Variants in CFAP52 observed in about 807,000 individuals in gnomAD.
The protein encoded by CFAP52 is cilia- and flagella-associated protein 52.
Under a neutral mutation model 70.5 loss-of-function variants are expected in CFAP52, and 57 were observed. That is an observed-to-expected ratio of 0.81 (90% CI 0.65 to 1.01). CFAP52 has a LOEUF of 1.01. Ranked by LOEUF, CFAP52 falls within the 50% of genes least tolerant of loss-of-function variation. The pLI, the probability that CFAP52 is intolerant of heterozygous loss-of-function variation, is 0.00. For missense variants in CFAP52, 785 were observed against 788.5 expected (o/e 1.00, Z 0.05); for synonymous variants, 267 against 292.5 (o/e 0.91, Z 0.89).
chr17:9,608,123 T>C lies in CFAP52; in HGVS notation c.758T>C (p.Val253Ala). The C allele has an allele frequency of 6.2e-7, 1 of 1,611,192 alleles. No homozygotes were observed. The highest frequency in any genetic ancestry group is 8.5e-7 in the Non-Finnish European group (1 of 1,178,312). Residue 253 changes from valine to alanine, a missense_variant, in exon 7 of 14, where the codon GTG (valine) becomes GCG (alanine). Physicochemically the swap from Val to Ala is moderately conservative, Grantham distance 64. Transcript: ENST00000352665. ...GPAKDKFSLG[V>A]SAIRCLKMGG... ...TAACACAGTTTTTCCCCCTAGGGAG[T>C]GTCAGCTATCAGGTGCCTGAAGATG...
In CFAP52 at chr17:9,612,349, C is replaced by T. The variant is rs369634065; in HGVS notation, c.895C>T (p.Arg299Ter). ...AGGCGGCATCACTTCTATCACACTT[C>T]GAGGAGAAGGACACCAGTTTCTCGT... The part of the protein sequence containing the change: ...LQGGITSITL[R>*]GEGHQFLVGT... Residue 299 changes from arginine (R) to a stop codon, truncating the protein, a stop_gained, in exon 8 of 14, where the codon CGA becomes TGA. Coordinates refer to ENST00000352665, the MANE Select transcript of CFAP52 (RefSeq NM_145054.5). LOFTEE classifies it high-confidence loss of function. 4.2e-5 allele frequency: 68 copies of T among 1,614,042 alleles called. No homozygotes were observed. Among genetic ancestry groups the T allele is most frequent in the Non-Finnish European group, 5.2e-5 (61 of 1,180,038 alleles).
chr17:9,629,505 C>T (rs866619571), intron 9 of CFAP52, among the ~76,000 whole-genome samples: 3 of 146,362 alleles, frequency 2.0e-5, no homozygotes, highest in South Asian at 2.2e-4. Context: ...CTTTTCTTTT[C>T]TTTCTTTCTT....
intron 9 of CFAP52, among the ~76,000 whole-genome samples, chr17:9,630,426 A>ATTTTTTTTTTTTTTTTTT (rs560084144): frequency 2.3e-5 from 3 of 127,832 alleles, no homozygotes; most frequent in African/African-American, 8.8e-5. Flanking sequence ...AATTTTTGTA[A>ATTTTTTTTTTTTTTTTTT]TTTTTTTTTT....
At chr17:9,591,877 C>CA (rs1042657704) in intron 3 of CFAP52, among the ~76,000 whole-genome samples, 10 of 148,082 alleles carry the variant, frequency 6.8e-5, no homozygotes, top group South Asian at 2.1e-4. Context: ...GACCTTGTCT[C>CA]AAAAAAAAAA....
chr17:9,613,856 C>T (rs955723712), intron 8 of CFAP52, among the ~76,000 whole-genome samples: 6 of 151,782 alleles, frequency 4.0e-5, no homozygotes, highest in African/African-American at 1.2e-4. Flanking sequence ...CTGTAGTTTC[C>T]GTTCCCTGAA....
At chr17:9,623,438 T>C (rs1396075187) in intron 8 of CFAP52, among the ~76,000 whole-genome samples, 2 of 152,210 alleles carry the variant, frequency 1.3e-5, no homozygotes, top group Non-Finnish European at 2.9e-5. Context: ...TAATCTTTCA[T>C]ATGTTTGTAT....
intron 2 of CFAP52, 56 bp from the exon 3 acceptor site, chr17:9,586,642 C>T: frequency 6.7e-7 from 1 of 1,501,488 alleles, no homozygotes. Context: ...GGGTAGCTAT[C>T]TCCTCAGATG....
intron 4 of CFAP52, chr17:9,594,571 T>A (rs900372114): frequency 1.7e-5 from 5 of 290,360 alleles, no homozygotes; most frequent in African/African-American, 1.1e-4. Context: ...CAGGTTCTTG[T>A]TTGTGACAGA....
Position 9,628,687 on chromosome 17 carries a change from A to T in CFAP52, c.1041A>T (p.Leu347=). ...TTCCTTGCAGTGGCACTGCTGAGCTATTTGCAACCTGTGCCAAGAAGGATA... is the reference window on the plus strand; with the variant it reads ...TTCCTTGCAGTGGCACTGCTGAGCTTTTTGCAACCTGTGCCAAGAAGGATA... ...DIVFPFGTAE[L]FATCAKKDIR... is the part of the protein sequence containing the mutation. The change falls in exon 9 of 14, where the codon CTA becomes CTT. Residue 347 remains leucine (L), a synonymous_variant. Transcript: ENST00000352665. 2 of 1,614,046 alleles carry T rather than the reference A, an allele frequency of 1.2e-6. No individual in the cohort carries two copies. The highest frequency in any genetic ancestry group is 1.7e-6 in the Non-Finnish European group (2 of 1,179,974).
chr17:9,578,638 T>C (rs565669888), intron 1 of CFAP52, among the ~76,000 whole-genome samples: 1 of 152,290 alleles, frequency 6.6e-6, no homozygotes, highest in Non-Finnish European at 1.5e-5. Flanking sequence ...CTCCACCTCC[T>C]GGATTCAAGC....
rs200599582 is a variant in CFAP52 at position 9,631,076 on chromosome 17, AAGAAAG to A, written c.1175-1804_1175-1799del. On this transcript the variant is annotated intron_variant, in intron 9 of 13. Transcript: ENST00000352665. ...AGAGAAAGAAAGAAAGAAAGAAAGA[AAGAAAG>A]AGAAAGAAAGAAAGAGAAAGAAAGA... Among the ~76,000 whole-genome samples the A allele has an allele frequency of 8.4e-4, 104 of 124,004 alleles. No individual in the cohort carries two copies. The East Asian group carries it at 9.5e-3, about 11-fold the overall frequency. 81.4% of individuals were successfully genotyped at this position (124,004 alleles called of 152,430 possible). A position where few individuals can be genotyped will look rare whatever the true frequency, so the allele number is the denominator to read the frequency against.
rs1353813353 is a variant in CFAP52 at position 9,612,328 on chromosome 17, G to A, written c.874G>A (p.Gly292Ser). 13 of 1,613,792 alleles carry A rather than the reference G, an allele frequency of 8.1e-6. No homozygotes were observed. The highest frequency in any genetic ancestry group is 1.6e-4 in the Middle Eastern group (1 of 6,084). ...KPIKKIQLQGGITSITLRGEG... is the reference protein window; with the variant it reads ...KPIKKIQLQGSITSITLRGEG... ...CTAAAGGAAGATTCAGTTACAAGGC[G>A]GCATCACTTCTATCACACTTCGAGG... Residue 292 changes from glycine (G) to serine (S), a missense_variant, in exon 8 of 14, where the codon GGC becomes AGC. Transcript: ENST00000352665.
At chr17:9,614,730 T>A (rs767604734) in intron 8 of CFAP52, among the ~76,000 whole-genome samples, 1 of 152,210 alleles carries the variant, frequency 6.6e-6, no homozygotes, top group Non-Finnish European at 1.5e-5. Context: ...TGCTATTCTG[T>A]GCATTAAAGG....
intron 12 of CFAP52, among the ~76,000 whole-genome samples, chr17:9,640,178 T>A (rs1051833870): frequency 1.5e-4 from 23 of 151,228 alleles, no homozygotes; most frequent in African/African-American, 4.9e-4. Flanking sequence ...GAGAAACAAA[T>A]GAAATGCACG....
At chr17:9,596,741 G>A (rs1422972274) in intron 4 of CFAP52, among the ~76,000 whole-genome samples, 1 of 150,972 alleles carries the variant, frequency 6.6e-6, no homozygotes, top group Non-Finnish European at 1.5e-5. Flanking sequence ...TTGAGATGGA[G>A]TTTTGCTCTT....
At position 9,612,464 on chromosome 17, in the gene CFAP52, A is replaced by T; in HGVS notation, c.1010A>T (p.Asp337Val). 6.2e-7 allele frequency: 1 copy of T among 1,613,958 alleles called. No homozygotes were observed. Among genetic ancestry groups the T allele is most frequent in the South Asian group, 1.1e-5 (1 of 91,070 alleles). Residue 337 changes from aspartate (D) to valine (V), a missense_variant, in exon 8 of 14, where the codon GAT becomes GTT. Coordinates refer to ENST00000352665, the MANE Select transcript of CFAP52 (RefSeq NM_145054.5). The part of the protein sequence containing the change: ...IATCHFDAVE[D>V]IVFPFGTAEL... ...ACTTGTCACTTTGATGCTGTCGAGG[A>T]TATTGTCTTTCCATTGTGAGTAGAA...
At chr17:9,592,472 A>G (rs2151931882) in intron 3 of CFAP52, among the ~76,000 whole-genome samples, 1 of 152,272 alleles carries the variant, frequency 6.6e-6, no homozygotes, top group Admixed American at 6.5e-5. Context: ...TCCGTCTCAA[A>G]AAAATTAAAA....
chr17:9,622,552 A>AAAGAAG (rs1555543657), intron 8 of CFAP52, among the ~76,000 whole-genome samples: 7 of 151,376 alleles, frequency 4.6e-5, no homozygotes, highest in African/African-American at 1.5e-4. Context: ...ATTAAAAAAA[A>AAAGAAG]AAGAAGAAGA....
Position 9,625,189 on chromosome 17 carries a change from T to TA in CFAP52, c.1026-3475dup, listed in dbSNP as rs771661731. The stretch of plus-strand genomic sequence containing the variant: ...TAGCTGTCTTTAGCAGTAGAATCCT[T>TA]AAAAAAAATCAATTAAAAAAAAAAC... On this transcript the variant is annotated intron_variant, in intron 8 of 13. Coordinates refer to ENST00000352665, the MANE Select transcript of CFAP52 (RefSeq NM_145054.5). 8.8e-4 allele frequency among the ~76,000 whole-genome samples: 133 copies of TA among 151,408 alleles called. 1 individual carries two copies. Among genetic ancestry groups the TA allele is most frequent in the East Asian group, 7.7e-4 (4 of 5,174 alleles).
Sources: allele counts gnomAD v4.1 joint callset (sites outside exome capture counted in the v4.1 genomes callset), GRCh38; gene constraint gnomAD v4.1.1; transcripts MANE v1.5; gene names NCBI Gene and HGNC (gene_info 2026-07-23, HGNC 2026-07-21).